The following DOCK8 variants were observed in gnomAD, a reference collection of about 807,000 sequenced individuals.
DOCK8 encodes dedicator of cytokinesis protein 8.
DOCK8 carries 141 observed loss-of-function variants against 245.6 expected under a neutral mutation model. The observed-to-expected ratio is 0.57, with a 90% CI of 0.50 to 0.66. The LOEUF is 0.66. Ranked by LOEUF, DOCK8 falls within the 30% of genes least tolerant of loss-of-function variation. The pLI is 0.00. For missense variants in DOCK8, 2,965 were observed against 2,603.4 expected (o/e 1.14, Z -3.02); for synonymous variants, 1,168 against 970.2 (o/e 1.20, Z -3.79).
intron 14 of DOCK8, chr9:365,682 T>A: frequency 2.3e-6 from 1 of 444,360 alleles, no homozygotes; most frequent in East Asian, 7.0e-5. Context: ...CTAAGTAACT[T>A]GCCAAAGGCC....
chr9:365,240 T>C (rs2052926373), intron 14 of DOCK8, among the ~76,000 whole-genome samples: 1 of 152,170 alleles, frequency 6.6e-6, no homozygotes, highest in African/African-American at 2.4e-5. Flanking sequence ...TCAAGATCTA[T>C]TGAGAAGGCG....
At chr9:305,608 A>C (rs756539745) in intron 5 of DOCK8, among the ~76,000 whole-genome samples, 2 of 152,170 alleles carry the variant, frequency 1.3e-5, no homozygotes, top group Non-Finnish European at 2.9e-5. Context: ...CTTATAAAGT[A>C]ATTACAGTTT....
At chr9:232,809 A>G (rs1351015388) in intron 1 of DOCK8, among the ~76,000 whole-genome samples, 2 of 152,174 alleles carry the variant, frequency 1.3e-5, no homozygotes, top group East Asian at 1.9e-4. Flanking sequence ...TAGTCTTGCT[A>G]GCGGTCTATC....
Position 364,300 on chromosome 9 carries a change from A to T in DOCK8, c.1680-3718A>T, listed in dbSNP as rs114278605. ...TCATAACTGAACAACGTTTAGTGGCATAAAAAAAGATAAAGCTTTGTACAT... is the reference window on the plus strand; with the variant it reads ...TCATAACTGAACAACGTTTAGTGGCTTAAAAAAAGATAAAGCTTTGTACAT... On this transcript the variant is annotated intron_variant, in intron 14 of 47. Transcript: ENST00000432829. Among the ~76,000 whole-genome samples, 873 of 152,338 alleles carry T rather than the reference A, an allele frequency of 5.7e-3. 15 individuals are homozygous for T. The highest frequency in any genetic ancestry group is 0.019 in the African/African-American group (797 of 41,574).
At chr9:363,706 T>G (rs1436227559) in intron 14 of DOCK8, among the ~76,000 whole-genome samples, 4 of 152,182 alleles carry the variant, frequency 2.6e-5, no homozygotes, top group African/African-American at 9.7e-5. Flanking sequence ...TGAAGTTTCC[T>G]TCCAGCTGTG....
At chr9:399,421 C>T (rs1564010345) in intron 26 of DOCK8, among the ~76,000 whole-genome samples, 162 bp downstream of exon 26, 1 of 152,126 alleles carries the variant, frequency 6.6e-6, no homozygotes, top group Non-Finnish European at 1.5e-5. Context: ...GTGCCATGGA[C>T]ATTCCTCAGA....
Position 333,773 on chromosome 9 carries a change from G to C in DOCK8, c.1126-452G>C, listed in dbSNP as rs368744049. Among the ~76,000 whole-genome samples the C allele has an allele frequency of 3.9e-5, 6 of 152,180 alleles. No homozygotes were observed. The East Asian group carries it at 5.8e-4, about 15-fold the overall frequency. On this transcript the variant is annotated intron_variant, in intron 10 of 47. Coordinates refer to ENST00000432829, the MANE Select transcript of DOCK8 (RefSeq NM_203447.4). Reference sequence around the variant, plus strand: ...CTTGGAAGTATTGTAAACTTCCTAAGGAGTTGTTAGGAAGCTTTTTAGAAT... The same window carrying C: ...CTTGGAAGTATTGTAAACTTCCTAACGAGTTGTTAGGAAGCTTTTTAGAAT...
intron 4 of DOCK8, among the ~76,000 whole-genome samples, chr9:300,630 C>A (rs1273514749): frequency 6.6e-6 from 1 of 151,388 alleles, no homozygotes; most frequent in Non-Finnish European, 1.5e-5. Flanking sequence ...GAAGATCGAT[C>A]CAAATAAGCA....
chr9:403,918 A>ATATATATATGTG (rs2055256692), intron 26 of DOCK8, among the ~76,000 whole-genome samples: 4 of 75,234 alleles, frequency 5.3e-5, no homozygotes, highest in East Asian at 8.0e-4. Context: ...ATATATATAC[A>ATATATATATGTG]TATATATATA....
At chr9:243,645 C>A (rs1197188932) in intron 1 of DOCK8, among the ~76,000 whole-genome samples, 1 of 152,004 alleles carries the variant, frequency 6.6e-6, no homozygotes, top group Non-Finnish European at 1.5e-5. Flanking sequence ...TCCCAACTGC[C>A]AACCTATGTT....
intron 26 of DOCK8, among the ~76,000 whole-genome samples, chr9:401,818 G>T (rs535754445): frequency 2.6e-5 from 4 of 152,164 alleles, no homozygotes; most frequent in Non-Finnish European, 5.9e-5. Flanking sequence ...CACCCTGAAC[G>T]CACGCAGTCT....
intron 1 of DOCK8, among the ~76,000 whole-genome samples, chr9:229,577 G>C (rs1053129159): frequency 1.3e-5 from 2 of 152,162 alleles, no homozygotes; most frequent in African/African-American, 4.8e-5. Context: ...CCAAAGGCAG[G>C]ATTTGAGGCT....
intron 1 of DOCK8, among the ~76,000 whole-genome samples, chr9:232,203 G>T (rs1163667463): frequency 2.0e-5 from 3 of 152,158 alleles, no homozygotes; most frequent in Non-Finnish European, 4.4e-5. Flanking sequence ...TACATTTATT[G>T]ATTTGTGTAT....
At position 418,085 on chromosome 9, in the gene DOCK8, T is replaced by G. The variant is rs536928333; in HGVS notation, c.3718T>G (p.Tyr1240Asp). 35 of 1,614,230 alleles carry G rather than the reference T, an allele frequency of 2.2e-5. No individual in the cohort carries two copies. Among genetic ancestry groups the G allele is most frequent in the East Asian group, 1.3e-4 (6 of 44,894 alleles). ...CATTGCAGTTGCAGATACTCGCAGA[T>G]ACCGCACCAGTGGCTCGGATGAAGA... ...CDFTVADTRR[Y>D]RTSGSDEEQE... The change falls in exon 30 of 48, where the codon TAC (tyrosine) becomes GAC (aspartate). Residue 1240 changes from tyrosine (Y) to aspartate (D), a missense_variant. Physicochemically the swap from Tyr to Asp is radical, Grantham distance 160. Transcript: ENST00000432829.
chr9:347,349 C>A (rs1225088921), intron 14 of DOCK8, among the ~76,000 whole-genome samples: 5 of 151,786 alleles, frequency 3.3e-5, no homozygotes, highest in African/African-American at 7.3e-5. Context: ...ACAACAACAA[C>A]AAAAAAATTA....
chr9:373,060 G>A (rs546484524), intron 18 of DOCK8, among the ~76,000 whole-genome samples: 6 of 152,136 alleles, frequency 3.9e-5, no homozygotes, highest in Non-Finnish European at 7.4e-5. Context: ...CCAGCTACTC[G>A]GGAGGCTGAG....
chr9:403,545 A>G (rs961821735), intron 26 of DOCK8, among the ~76,000 whole-genome samples: 117 of 152,336 alleles, frequency 7.7e-4, no homozygotes, highest in African/African-American at 2.8e-3. Context: ...GTCCCACAAC[A>G]CATTGGCTTC....
intron 18 of DOCK8, among the ~76,000 whole-genome samples, chr9:373,622 A>C (rs1379679868): frequency 6.6e-6 from 1 of 152,188 alleles, no homozygotes; most frequent in Non-Finnish European, 1.5e-5. Flanking sequence ...TTTGAATTTA[A>C]TTTCAACCGT....
chr9:312,307 C>T, intron 6 of DOCK8, 141 bp downstream of exon 6: 1 of 959,098 alleles, frequency 1.0e-6, no homozygotes, highest in Non-Finnish European at 1.6e-6. Context: ...TCGTTTTTCA[C>T]TCAGGCAAGC....
Sources: allele counts gnomAD v4.1 joint callset (sites outside exome capture counted in the v4.1 genomes callset), GRCh38; gene constraint gnomAD v4.1.1; transcripts MANE v1.5; gene names NCBI Gene and HGNC (gene_info 2026-07-23, HGNC 2026-07-21).